TRAPPC10: variants seen among roughly 807,000 people sequenced by gnomAD.
TRAPPC10 encodes trafficking protein particle complex subunit 10.
Under a neutral mutation model 125.5 loss-of-function variants are expected in TRAPPC10, and 23 were observed. That is an observed-to-expected ratio of 0.18 (90% CI 0.13 to 0.26). The LOEUF is 0.26. Among genes scored for constraint, TRAPPC10 ranks in the 10% least tolerant of loss-of-function variants. The probability of loss-of-function intolerance (pLI) is 1.00; values close to 1 mark genes in which losing one functional copy is unlikely to be tolerated. For synonymous variants in TRAPPC10, 509 were observed against 518.0 expected (o/e 0.98, Z 0.24); for missense variants, 1,123 against 1,308.4 (o/e 0.86, Z 2.19).
intron 1 of TRAPPC10, among the ~76,000 whole-genome samples, chr21:44,030,890 A>G (rs1346395961): frequency 1.3e-5 from 2 of 152,230 alleles, no homozygotes; most frequent in East Asian, 1.9e-4. Flanking sequence ...ACTATGTGCC[A>G]TGCCTTGTTG....
rs763246218 is a variant in TRAPPC10 at position 44,089,895 on chromosome 21, C to T, written c.2832C>T (p.Pro944=). The stretch of plus-strand genomic sequence containing the variant: ...TCATCGCACTGACCTTCAGCGTACC[C>T]TTCAGGACCACACACAGCCTCCTGT... The part of the protein sequence containing the change: ...STVIALTFSV[P]FRTTHSLLSS... Residue 944 remains proline (P), a synonymous_variant, in exon 18 of 23, where the codon CCC becomes CCT. Transcript: ENST00000291574. The T allele has an allele frequency of 6.2e-7, 1 of 1,613,910 alleles. No individual in the cohort carries two copies. Among genetic ancestry groups the T allele is most frequent in the South Asian group, 1.1e-5 (1 of 91,050 alleles).
rs567825864 is a variant in TRAPPC10 at position 44,075,778 on chromosome 21, G to A, written c.1300+625G>A. Among the ~76,000 whole-genome samples the A allele has an allele frequency of 6.2e-4, 95 of 152,280 alleles. 1 individual carries two copies. In the Middle Eastern group the frequency reaches 0.02, roughly 33 times the overall value. On this transcript the variant is annotated intron_variant, in intron 9 of 22. Coordinates refer to ENST00000291574, the MANE Select transcript of TRAPPC10 (RefSeq NM_003274.5). The stretch of plus-strand genomic sequence containing the variant: ...TTTTTAAAATAAATTGGCTGGGCAC[G>A]GTGGCTCCCACCTGTAATCCCAGCA...
chr21:44,080,202 C>T (rs985706883), intron 13 of TRAPPC10, 75 bp downstream of exon 13: 11 of 1,232,910 alleles, frequency 8.9e-6, no homozygotes, highest in Non-Finnish European at 1.3e-5. Context: ...CAAGATATAC[C>T]AACCACTTAC....
chr21:44,057,064 G>A (rs2035650642), intron 5 of TRAPPC10, among the ~76,000 whole-genome samples: 3 of 152,130 alleles, frequency 2.0e-5, no homozygotes, highest in South Asian at 2.1e-4. Flanking sequence ...ATGATGCCGA[G>A]TGAAATAAGG....
At chr21:44,067,599 G>A (rs1383243962) in intron 7 of TRAPPC10, among the ~76,000 whole-genome samples, 1 of 152,188 alleles carries the variant, frequency 6.6e-6, no homozygotes, top group Non-Finnish European at 1.5e-5. Flanking sequence ...AGACAGGGAT[G>A]GGGGTGCACA....
chr21:44,034,624 C>T (rs1194644233), intron 2 of TRAPPC10, among the ~76,000 whole-genome samples: 3 of 152,134 alleles, frequency 2.0e-5, no homozygotes, highest in Non-Finnish European at 4.4e-5. Flanking sequence ...AAATGTGTTA[C>T]CTTAGGGAAG....
intron 6 of TRAPPC10, among the ~76,000 whole-genome samples, chr21:44,061,502 C>T (rs1292614382): frequency 3.3e-5 from 5 of 151,892 alleles, no homozygotes; most frequent in East Asian, 3.9e-4. Context: ...CTCTTAACCT[C>T]GTGATTCGCC....
chr21:44,068,428 G>A (rs1185672808), intron 7 of TRAPPC10, among the ~76,000 whole-genome samples: 1 of 152,112 alleles, frequency 6.6e-6, no homozygotes, highest in Non-Finnish European at 1.5e-5. Flanking sequence ...AAATTCTGAA[G>A]TTCTTTGTGT....
chr21:44,047,378 G>A (rs1375297856), intron 3 of TRAPPC10, among the ~76,000 whole-genome samples: 3 of 151,828 alleles, frequency 2.0e-5, no homozygotes, highest in African/African-American at 7.3e-5. Context: ...ATGGGGTTTC[G>A]CCATGTTGGC....
chr21:44,047,656 T>G (rs1196375995), intron 3 of TRAPPC10, among the ~76,000 whole-genome samples: 1 of 152,176 alleles, frequency 6.6e-6, no homozygotes, highest in Non-Finnish European at 1.5e-5. Flanking sequence ...GTGTTTCATT[T>G]GTGTAATTGC....
rs184369947 is a variant in TRAPPC10 at position 44,075,180 on chromosome 21, G to A, written c.1300+27G>A. On this transcript the variant is annotated intron_variant, in intron 9 of 22. Coordinates refer to ENST00000291574, the MANE Select transcript of TRAPPC10 (RefSeq NM_003274.5). ...TACTTTTTTGTATATACCTGTGTGA[G>A]TGGTGAGGTGGACAGTAATGAAAAT... is the stretch of plus-strand genomic sequence containing the variant. 2.2e-4 allele frequency: 330 copies of A among 1,489,516 alleles called. 1 individual carries two copies. The African/African-American group carries it at 3.9e-3, about 18-fold the overall frequency. 92.3% of individuals were successfully genotyped at this position (1,489,516 alleles called of 1,614,324 possible). A position where few individuals can be genotyped will look rare whatever the true frequency, so the allele number is the denominator to read the frequency against.
intron 3 of TRAPPC10, chr21:44,046,522 TG>T (rs35262400): frequency 0.27 from 44,447 of 162,226 alleles, 8,251 homozygotes; most frequent in African/African-American, 0.59. Context: ...TTTTTTTTTT[TG>T]GGGGGAGGAT....
chr21:44,072,954 T>C (rs2036993131), intron 7 of TRAPPC10, among the ~76,000 whole-genome samples: 1 of 152,240 alleles, frequency 6.6e-6, no homozygotes, highest in Non-Finnish European at 1.5e-5. Context: ...GTGGTTTGAC[T>C]GATGAGGACG....
rs1246930270 is a variant in TRAPPC10, at chr21:44,087,508, G to C, written c.2540-191G>C. Among the ~76,000 whole-genome samples the C allele has an allele frequency of 6.6e-6, 1 of 152,174 alleles. No homozygotes were observed. The highest frequency in any genetic ancestry group is 1.5e-5 in the Non-Finnish European group (1 of 68,028). Reference sequence around the variant, plus strand: ...CAGATTGAGATCAATGATGGGTCTGGGCGCCTGCCTGCCGGCTTTCACACA... The same window carrying C: ...CAGATTGAGATCAATGATGGGTCTGCGCGCCTGCCTGCCGGCTTTCACACA... On this transcript the variant is annotated intron_variant, in intron 16 of 22. Coordinates refer to ENST00000291574, the MANE Select transcript of TRAPPC10 (RefSeq NM_003274.5). The surrounding 1 kb of genome is among the most constrained non-coding windows in gnomAD (Gnocchi z 4.6).
At chr21:44,024,019 C>T (rs1300343042) in intron 1 of TRAPPC10, among the ~76,000 whole-genome samples, 2 of 152,218 alleles carry the variant, frequency 1.3e-5, no homozygotes, top group African/African-American at 4.8e-5. Context: ...TTCCCGACCT[C>T]AGGTGATCCA....
chr21:44,077,018 G>A (rs1366622483), intron 10 of TRAPPC10, among the ~76,000 whole-genome samples: 1 of 152,214 alleles, frequency 6.6e-6, no homozygotes, highest in East Asian at 1.9e-4. Flanking sequence ...GTAGGCAGAA[G>A]TGTGGTGGGT....
chr21:44,052,568 A>G, intron 4 of TRAPPC10, 92 bp downstream of exon 4: 2 of 1,237,054 alleles, frequency 1.6e-6, no homozygotes, highest in Non-Finnish European at 1.1e-6. Context: ...TTTACTCAGC[A>G]ATCTCGAGTG....
At position 44,089,944 on chromosome 21, in the gene TRAPPC10, C is replaced by T. The variant is rs141676395; in HGVS notation, c.2870+11C>T. ...GTCCTCAGGAACACGGTAACGGAGGCGTAGCGTGCGGGCCCTGGCTTCTTT... is the reference window on the plus strand; with the variant it reads ...GTCCTCAGGAACACGGTAACGGAGGTGTAGCGTGCGGGCCCTGGCTTCTTT... On this transcript the variant is annotated intron_variant, in intron 18 of 22. Transcript: ENST00000291574. The T allele has an allele frequency of 2.8e-3, 4,532 of 1,601,550 alleles. 10 individuals are homozygous for T. The highest frequency in any genetic ancestry group is 3.6e-3 in the Middle Eastern group (22 of 6,032).
intron 1 of TRAPPC10, among the ~76,000 whole-genome samples, chr21:44,024,447 CTTGCTTTCAG>C (rs1360327482): frequency 1.3e-5 from 2 of 152,226 alleles, no homozygotes; most frequent in Non-Finnish European, 2.9e-5. Flanking sequence ...CGATTGCTCA[CTTGCTTTCAG>C]TTGCTTTATC....
Sources: allele counts gnomAD v4.1 joint callset (sites outside exome capture counted in the v4.1 genomes callset), GRCh38; gene constraint gnomAD v4.1.1; non-coding constraint Gnocchi (gnomAD v3.1); transcripts MANE v1.5; gene names NCBI Gene and HGNC (gene_info 2026-07-23, HGNC 2026-07-21).